The following RPH3A variants were observed in gnomAD, a reference collection of about 807,000 sequenced individuals.
RPH3A encodes the protein rabphilin 3A.
A neutral mutation model predicts 102.2 loss-of-function variants in RPH3A; 48 were observed. The observed-to-expected ratio is 0.47, with a 90% CI of 0.37 to 0.60. The LOEUF is 0.60. RPH3A is among the 20% of genes least tolerant of loss of function. The probability of loss-of-function intolerance (pLI) is 0.00; values close to 1 mark genes in which losing one functional copy is unlikely to be tolerated. For synonymous variants in RPH3A, 310 were observed against 324.3 expected (o/e 0.96, Z 0.47); for missense variants, 781 against 910.1 (o/e 0.86, Z 1.83).
chr12:112,757,936 T>C (rs1430897262), intron 1 of RPH3A, among the ~76,000 whole-genome samples: 6 of 152,190 alleles, frequency 3.9e-5, no homozygotes, highest in African/African-American at 1.4e-4. Flanking sequence ...ACAGCTTGTG[T>C]TCTCATTGTC....
chr12:112,850,207 T>C (rs1378422263), intron 5 of RPH3A, among the ~76,000 whole-genome samples: 1 of 152,134 alleles, frequency 6.6e-6, no homozygotes, highest in Non-Finnish European at 1.5e-5. Context: ...ATCTGCAAAA[T>C]GGGGATAACA....
At chr12:112,876,889 G>A (rs778433047) in intron 13 of RPH3A, 23 bp downstream of exon 13, 5 of 1,542,826 alleles carry the variant, frequency 3.2e-6, no homozygotes, top group Non-Finnish European at 4.4e-6. Flanking sequence ...TAAGGGAGAG[G>A]TATCTTGGAA....
At chr12:112,674,754 G>A (rs1275879386) in intron 1 of RPH3A, among the ~76,000 whole-genome samples, 1 of 152,154 alleles carries the variant, frequency 6.6e-6, no homozygotes, top group Non-Finnish European at 1.5e-5. Flanking sequence ...TCAGATATCC[G>A]AGTTTTTATT....
rs1052025169 is a variant in RPH3A at position 112,846,338 on chromosome 12, G to A, written c.84-1358G>A. On this transcript the variant is annotated intron_variant, in intron 4 of 21. Coordinates refer to ENST00000389385, the MANE Select transcript of RPH3A (RefSeq NM_001143854.2). ...GTGTTATCATGTGCTCATCCCAGAG[G>A]CATCCCATCCAAGGGCACGCGTGGG... Among the ~76,000 whole-genome samples the A allele has an allele frequency of 3.9e-5, 6 of 152,198 alleles. No individual in the cohort carries two copies. In the East Asian group the frequency reaches 7.7e-4, roughly 20 times the overall value.
intron 10 of RPH3A, among the ~76,000 whole-genome samples, chr12:112,870,832 A>G (rs146675591): frequency 6.6e-6 from 1 of 152,186 alleles, no homozygotes; most frequent in Non-Finnish European, 1.5e-5. Context: ...CAATGAACCT[A>G]TGGTTCAGAT....
At chr12:112,653,014 T>C (rs991791542) in intron 1 of RPH3A, among the ~76,000 whole-genome samples, 4 of 152,316 alleles carry the variant, frequency 2.6e-5, no homozygotes, top group Non-Finnish European at 2.9e-5. Context: ...TACTGAATAC[T>C]GTAGGCAGCT....
rs374761939 is a variant in RPH3A at position 112,896,641 on chromosome 12, A to T, written c.1955-9A>T. 1.7e-5 allele frequency: 28 copies of T among 1,613,990 alleles called. No homozygotes were observed. The highest frequency in any genetic ancestry group is 2.4e-5 in the Non-Finnish European group (28 of 1,179,940). On this transcript the variant is annotated splice_polypyrimidine_tract_variant and intron_variant, in intron 21 of 21. Coordinates refer to ENST00000389385, the MANE Select transcript of RPH3A (RefSeq NM_001143854.2). Reference sequence around the variant, plus strand: ...ACCACCTGCTCCTATCTTCCCATTTATCCTCCAGGAGGCTGCCAGCTGGGG... The same window carrying T: ...ACCACCTGCTCCTATCTTCCCATTTTTCCTCCAGGAGGCTGCCAGCTGGGG...
chr12:112,748,106 G>A (rs1204912975), intron 1 of RPH3A, among the ~76,000 whole-genome samples: 2 of 152,198 alleles, frequency 1.3e-5, no homozygotes, highest in Admixed American at 1.3e-4. Context: ...GACTTGCGGG[G>A]CAGCTGGCAG....
Position 112,897,204 on chromosome 12 carries a change from A to T in RPH3A, c.*424A>T. 1 of 171,882 alleles carries T rather than the reference A, an allele frequency of 5.8e-6. No individual in the cohort carries two copies. The highest frequency in any genetic ancestry group is 1.5e-4 in the South Asian group (1 of 6,602). The allele number at this position is 171,882 out of a possible 1,614,324, so 10.6% of individuals were successfully genotyped here. A position where few individuals can be genotyped will look rare whatever the true frequency, so the allele number is the denominator to read the frequency against. ...TTCATTCCCTGTGTTGTGTCTCTGT[A>T]TATCCCCAGTTGTCAGCAGACCCGG... On this transcript the variant is annotated 3_prime_UTR_variant, in exon 22 of 22. Transcript: ENST00000389385.
At chr12:112,775,947 G>T (rs2040962773) in intron 1 of RPH3A, among the ~76,000 whole-genome samples, 1 of 151,910 alleles carries the variant, frequency 6.6e-6, no homozygotes, top group African/African-American at 2.4e-5. Context: ...CTAAAGCAGG[G>T]ATTATGTTAA....
At chr12:112,678,799 C>T (rs1303616036) in intron 1 of RPH3A, among the ~76,000 whole-genome samples, 2 of 152,138 alleles carry the variant, frequency 1.3e-5, no homozygotes, top group African/African-American at 4.8e-5. Flanking sequence ...CATATGTCTT[C>T]CTATATAACT....
chr12:112,763,871 G>A (rs1198922887), intron 1 of RPH3A, among the ~76,000 whole-genome samples: 3 of 152,168 alleles, frequency 2.0e-5, no homozygotes, highest in Non-Finnish European at 4.4e-5. Context: ...TTTTATTTTT[G>A]GTTTATGAAT....
intron 1 of RPH3A, among the ~76,000 whole-genome samples, chr12:112,712,879 T>TTTCTTCTTCTTCTTCTTCCTC (rs2040472956): frequency 1.5e-5 from 2 of 136,742 alleles, no homozygotes; most frequent in Admixed American, 7.2e-5. Flanking sequence ...CTCACTTTTT[T>TTTCTTCTTCTTCTTCTTCCTC]TTCTTCTTCT....
chr12:112,894,660 G>A lies in RPH3A; in HGVS notation c.1857+1G>A. The A allele has an allele frequency of 6.2e-7, 1 of 1,613,172 alleles. No homozygotes were observed. The highest frequency in any genetic ancestry group is 8.5e-7 in the Non-Finnish European group (1 of 1,179,524). ...AACCTTGAATCCCGAATTCAATGAG[G>A]TAAGGCTGCCCTATTCTTTTTCATG... On this transcript the variant is annotated splice_donor_variant, in intron 20 of 21. Coordinates refer to ENST00000389385, the MANE Select transcript of RPH3A (RefSeq NM_001143854.2). LOFTEE classifies it high-confidence loss of function.
At chr12:112,718,922 C>A (rs2040532442) in intron 1 of RPH3A, among the ~76,000 whole-genome samples, 1 of 152,202 alleles carries the variant, frequency 6.6e-6, no homozygotes, top group Non-Finnish European at 1.5e-5. Flanking sequence ...TTCTAAAGAT[C>A]TTTGGTTTCT....
chr12:112,666,277 G>A (rs12320386), intron 1 of RPH3A, among the ~76,000 whole-genome samples: 19 of 152,224 alleles, frequency 1.2e-4, no homozygotes, highest in African/African-American at 3.4e-4. Flanking sequence ...CATTTTAGTC[G>A]TTCAGGGAAG....
At chr12:112,635,126 T>C (rs528921112) in intron 1 of RPH3A, among the ~76,000 whole-genome samples, 34 of 152,278 alleles carry the variant, frequency 2.2e-4, no homozygotes, top group African/African-American at 8.2e-4. Context: ...TATTTTAGGG[T>C]TTGAGAGCCA....
At chr12:112,819,165 G>T (rs2041732976) in intron 2 of RPH3A, among the ~76,000 whole-genome samples, 1 of 151,912 alleles carries the variant, frequency 6.6e-6, no homozygotes, top group Admixed American at 6.6e-5. Context: ...GAGTGCAGTG[G>T]CATGATCTCA....
chr12:112,618,835 A>G (rs997612670), intron 1 of RPH3A, among the ~76,000 whole-genome samples: 9 of 152,212 alleles, frequency 5.9e-5, no homozygotes, highest in African/African-American at 4.8e-5. Context: ...AAAGAAACCC[A>G]TTAGCAGTAA....
Sources: gnomAD v4.1 joint callset for allele counts (sites outside exome capture counted in the v4.1 genomes callset) on GRCh38, gnomAD v4.1.1 for gene constraint, MANE v1.5 for transcripts, NCBI Gene and HGNC (gene_info 2026-07-23, HGNC 2026-07-21) for gene names.